The following PLCL2 variants were observed in gnomAD, a reference collection of about 807,000 sequenced individuals.
PLCL2 encodes the protein phospholipase C like 2, also known as inactive phospholipase C-like protein 2.
Under a neutral mutation model 79.6 loss-of-function variants are expected in PLCL2, and 4 were observed. The observed-to-expected ratio is 0.05, with a 90% confidence interval of 0.02 to 0.11. PLCL2 has a LOEUF of 0.11. Among genes scored for constraint, PLCL2 ranks in the 10% least tolerant of loss-of-function variants. The probability of loss-of-function intolerance (pLI) is 1.00; values close to 1 mark genes in which losing one functional copy is unlikely to be tolerated. For missense variants in PLCL2, 895 were observed against 1,291.0 expected (o/e 0.69, Z 4.70); for synonymous variants, 484 against 457.7 (o/e 1.06, Z -0.73).
At chr3:16,916,211 A>C (rs980404720) in intron 1 of PLCL2, among the ~76,000 whole-genome samples, 7 of 152,218 alleles carry the variant, frequency 4.6e-5, no homozygotes, top group Non-Finnish European at 1.5e-5. Flanking sequence ...GGAATGTGAA[A>C]TATAAGACTA....
At chr3:17,071,073 C>CA (rs1289397062) in intron 5 of PLCL2, among the ~76,000 whole-genome samples, 2 of 152,020 alleles carry the variant, frequency 1.3e-5, no homozygotes, top group African/African-American at 4.8e-5. Context: ...GAGGCACACA[C>CA]AAAAAAACCT....
At chr3:17,033,149 A>T (rs992957162) in intron 3 of PLCL2, among the ~76,000 whole-genome samples, 7 of 152,192 alleles carry the variant, frequency 4.6e-5, no homozygotes, top group African/African-American at 1.7e-4. Context: ...GTACTACCCT[A>T]GCTCTGAAGT....
chr3:16,982,492 A>G (rs1393487490), intron 1 of PLCL2, among the ~76,000 whole-genome samples: 1 of 152,222 alleles, frequency 6.6e-6, no homozygotes, highest in East Asian at 1.9e-4. Context: ...CAAAGCCAAG[A>G]CAGAAATGCA....
intron 1 of PLCL2, among the ~76,000 whole-genome samples, chr3:16,956,814 C>T (rs1175816604): frequency 2.1e-4 from 32 of 152,068 alleles, no homozygotes; most frequent in East Asian, 3.8e-4. Context: ...AGTTTATTTG[C>T]GTAGAGGTGT....
intron 1 of PLCL2, among the ~76,000 whole-genome samples, chr3:16,944,036 A>G (rs2063579433): frequency 6.6e-6 from 1 of 152,214 alleles, no homozygotes; most frequent in Non-Finnish European, 1.5e-5. Flanking sequence ...GGTTAAGGGC[A>G]TGACTGTTGT....
At chr3:17,056,023 G>A (rs929066026) in intron 4 of PLCL2, among the ~76,000 whole-genome samples, 2 of 152,136 alleles carry the variant, frequency 1.3e-5, no homozygotes, top group African/African-American at 4.8e-5. Context: ...TCCCAACACT[G>A]TGCTCTCTTG....
rs756150407 is a variant in PLCL2 at position 17,010,931 on chromosome 3, A to C, written c.1585A>C (p.Lys529Gln). ...LENHCSIKQQ[K>Q]VMVQHMKKLL... ...AAACCACTGTTCCATTAAACAACAG[A>C]AGGTAATGGTTCAGCACATGAAGAA... The change falls in exon 2 of 6, where the codon AAG becomes CAG. Residue 529 changes from lysine (K) to glutamine (Q), a missense_variant. Physicochemically the swap from Lys to Gln is moderately conservative, Grantham distance 53 (BLOSUM62 1). Coordinates refer to ENST00000615277, the MANE Select transcript of PLCL2 (RefSeq NM_001144382.2). This position sits in a 1 kb window ranked among gnomAD's most constrained non-coding sequence, Gnocchi z 5.8. 2 of 1,614,126 alleles carry C rather than the reference A, an allele frequency of 1.2e-6. No homozygotes were observed.
chr3:17,056,273 A>G (rs1314681414), intron 4 of PLCL2, among the ~76,000 whole-genome samples: 3 of 152,214 alleles, frequency 2.0e-5, no homozygotes, highest in African/African-American at 7.2e-5. Flanking sequence ...AAGTCCACAG[A>G]CAAAATGAAT....
chr3:17,079,138 G>C (rs1430809524), intron 5 of PLCL2, among the ~76,000 whole-genome samples: 1 of 152,106 alleles, frequency 6.6e-6, no homozygotes, highest in Non-Finnish European at 1.5e-5. Flanking sequence ...TATTTTCCCT[G>C]GTGTTTCCAA....
chr3:17,082,360 G>A (rs1310700768), intron 5 of PLCL2, among the ~76,000 whole-genome samples: 1 of 151,242 alleles, frequency 6.6e-6, no homozygotes, highest in African/African-American at 2.4e-5. Context: ...GTGTACTCCT[G>A]ACCTGAGGTG....
intron 3 of PLCL2, among the ~76,000 whole-genome samples, chr3:17,018,667 T>C (rs541991597): frequency 1.3e-5 from 2 of 152,298 alleles, no homozygotes; most frequent in East Asian, 3.9e-4. Context: ...AGTCAGAGGG[T>C]CAAACTTTTG....
chr3:16,935,506 T>G (rs1243728784), intron 1 of PLCL2, among the ~76,000 whole-genome samples: 2 of 152,200 alleles, frequency 1.3e-5, no homozygotes, highest in African/African-American at 4.8e-5. Context: ...TATTTTCATT[T>G]TTTACCTTCG....
intron 1 of PLCL2, among the ~76,000 whole-genome samples, chr3:16,944,762 T>C (rs562442281): frequency 1.3e-5 from 2 of 151,478 alleles, no homozygotes; most frequent in East Asian, 3.8e-4. Flanking sequence ...ACTCCGGGTT[T>C]TTTTTTTTTT....
intron 4 of PLCL2, among the ~76,000 whole-genome samples, chr3:17,056,807 G>C (rs2064896432): frequency 6.6e-6 from 1 of 152,146 alleles, no homozygotes; most frequent in African/African-American, 2.4e-5. Context: ...TAGATAACAG[G>C]TATAAATGAA....
chr3:16,999,657 A>G (rs987117258), intron 1 of PLCL2, among the ~76,000 whole-genome samples: 1 of 152,208 alleles, frequency 6.6e-6, no homozygotes, highest in African/African-American at 2.4e-5. Flanking sequence ...TGTGGCGCAT[A>G]GTATTTCTGT....
chr3:16,904,704 C>A (rs1301907263), intron 1 of PLCL2, among the ~76,000 whole-genome samples: 1 of 152,128 alleles, frequency 6.6e-6, no homozygotes, highest in Non-Finnish European at 1.5e-5. Context: ...TCCCGTAATC[C>A]CTACATGTCA....
chr3:16,911,171 T>C (rs1696871878), intron 1 of PLCL2, among the ~76,000 whole-genome samples: 1 of 150,308 alleles, frequency 6.7e-6, no homozygotes, highest in Non-Finnish European at 1.5e-5. Context: ...GAGAATCACT[T>C]GAACCCGGGG....
chr3:16,937,548 C>G (rs562075867), intron 1 of PLCL2, among the ~76,000 whole-genome samples: 108 of 152,310 alleles, frequency 7.1e-4, no homozygotes, highest in African/African-American at 2.5e-3. Context: ...TCCGCCTGCC[C>G]TTCTAGGTTG....
At position 16,916,751 on chromosome 3, in the gene PLCL2, A is replaced by G. The variant is rs932778848; in HGVS notation, c.327+31385A>G. Among the ~76,000 whole-genome samples, 28 of 152,222 alleles carry G rather than the reference A, an allele frequency of 1.8e-4. 1 individual carries two copies. Among genetic ancestry groups the G allele is most frequent in the Admixed American group, 1.6e-3 (25 of 15,284 alleles). On this transcript the variant is annotated intron_variant, in intron 1 of 5. Coordinates refer to ENST00000615277, the MANE Select transcript of PLCL2 (RefSeq NM_001144382.2). ...TCAATTACTTAAAGAGACCTAAACC[A>G]TAAATATATTACAGAATTTTGAAAG...
Sources: gnomAD v4.1 joint callset for allele counts (sites outside exome capture counted in the v4.1 genomes callset) on GRCh38, gnomAD v4.1.1 for gene constraint, Gnocchi (gnomAD v3.1) non-coding constraint, MANE v1.5 for transcripts, NCBI Gene and HGNC (gene_info 2026-07-23, HGNC 2026-07-21) for gene names.